Variants in SMKR1 observed in about 807,000 individuals in gnomAD.
The protein encoded by SMKR1 is small lysine-rich protein 1.
Under a neutral mutation model 4.0 loss-of-function variants are expected in SMKR1, and 4 were observed. That is an observed-to-expected ratio of 1.00 (90% CI 0.49 to 2.30). SMKR1 has a LOEUF of 2.30. Among genes scored for constraint, SMKR1 ranks in the 30% most tolerant of loss-of-function variants. The pLI is 0.02. For synonymous variants in SMKR1, 38 were observed against 32.5 expected (o/e 1.17, Z -0.58); for missense variants, 56 against 81.8 (o/e 0.68, Z 1.22).
At chr7:129,508,194 T>G (rs1379992931) in intron 1 of SMKR1, among the ~76,000 whole-genome samples, 2 of 152,214 alleles carry the variant, frequency 1.3e-5, no homozygotes, top group African/African-American at 4.8e-5. Context: ...GGTGAGACTA[T>G]GGGTTGAGGT....
intron 1 of SMKR1, among the ~76,000 whole-genome samples, chr7:129,509,280 T>A (rs1799501768): frequency 6.6e-6 from 1 of 152,040 alleles, no homozygotes; most frequent in Non-Finnish European, 1.5e-5. Flanking sequence ...GCCATTGCAC[T>A]CCAGCCTGGG....
At chr7:129,507,994 A>G (rs1369358863) in intron 1 of SMKR1, among the ~76,000 whole-genome samples, 1 of 152,204 alleles carries the variant, frequency 6.6e-6, no homozygotes, top group African/African-American at 2.4e-5. Context: ...TTGAAGAACA[A>G]AAGTTTTAAA....
chr7:129,502,910 A>G (rs1799425443), intron 1 of SMKR1, 83 bp downstream of exon 1: 3 of 1,522,746 alleles, frequency 2.0e-6, no homozygotes, highest in African/African-American at 2.8e-5. Flanking sequence ...GCGGGCGCCG[A>G]GGTCACCGCC....
intron 1 of SMKR1, among the ~76,000 whole-genome samples, chr7:129,511,748 C>T (rs1321972324): frequency 2.0e-5 from 3 of 152,130 alleles, no homozygotes; most frequent in Non-Finnish European, 2.9e-5. Flanking sequence ...TAATTGTTTT[C>T]GTTTGCCAAA....
At chr7:129,505,572 C>A (rs767247830) in intron 1 of SMKR1, among the ~76,000 whole-genome samples, 11 of 151,714 alleles carry the variant, frequency 7.3e-5, no homozygotes, top group Non-Finnish European at 1.2e-4. Flanking sequence ...TCCGCCTCCC[C>A]GGTTCAAGCA....
At chr7:129,509,684 G>A (rs532126983) in intron 1 of SMKR1, among the ~76,000 whole-genome samples, 5 of 152,160 alleles carry the variant, frequency 3.3e-5, no homozygotes, top group African/African-American at 4.8e-5. Flanking sequence ...GGGATTACAG[G>A]TGCACGCCAC....
intron 1 of SMKR1, among the ~76,000 whole-genome samples, chr7:129,511,222 C>T (rs1228800230): frequency 6.6e-6 from 1 of 152,198 alleles, no homozygotes; most frequent in Non-Finnish European, 1.5e-5. Context: ...GATTATCAAA[C>T]TTGTTTTAAA....
intron 1 of SMKR1, among the ~76,000 whole-genome samples, chr7:129,504,576 A>G (rs1799446098): frequency 6.7e-6 from 1 of 149,920 alleles, no homozygotes; most frequent in South Asian, 2.1e-4. Context: ...TTTTAGAGAT[A>G]GGGTTTTGCT....
At chr7:129,509,273 A>G (rs1799501666) in intron 1 of SMKR1, among the ~76,000 whole-genome samples, 1 of 152,188 alleles carries the variant, frequency 6.6e-6, no homozygotes, top group Non-Finnish European at 1.5e-5. Flanking sequence ...ATATCATGCC[A>G]TTGCACTCCA....
At chr7:129,504,819 G>A (rs1027302121) in intron 1 of SMKR1, among the ~76,000 whole-genome samples, 1 of 152,166 alleles carries the variant, frequency 6.6e-6, no homozygotes, top group Non-Finnish European at 1.5e-5. Flanking sequence ...CCAGAGTGCC[G>A]GGATTACAGG....
chr7:129,510,723 G>C (rs1344459483), intron 1 of SMKR1, among the ~76,000 whole-genome samples: 1 of 151,518 alleles, frequency 6.6e-6, no homozygotes, highest in Non-Finnish European at 1.5e-5. Flanking sequence ...GCAAGACCCT[G>C]TCTCCAAAAA....
chr7:129,503,829 CTTTTTTT>C (rs11404964), intron 1 of SMKR1, among the ~76,000 whole-genome samples: 3 of 126,270 alleles, frequency 2.4e-5, no homozygotes, highest in East Asian at 4.6e-4. Flanking sequence ...GAGCTATTAC[CTTTTTTT>C]TTTTTTTTTT....
In SMKR1 at chr7:129,502,685, C is replaced by G. The variant is rs1799422739; in HGVS notation, c.-140C>G. The G allele has an allele frequency of 2.3e-6, 3 of 1,303,744 alleles. No homozygotes were observed. The highest frequency in any genetic ancestry group is 5.2e-5 in the East Asian group (2 of 38,438). 80.8% of individuals were successfully genotyped at this position (1,303,744 alleles called of 1,614,324 possible). On this transcript the variant is annotated 5_prime_UTR_variant, in exon 1 of 2. Coordinates refer to ENST00000462322, the MANE Select transcript of SMKR1 (RefSeq NM_001195243.2). ...CGGGGAGGCGTAGTGAGGCTGGGCC[C>G]GTGGCGGTTCCCTGAGGAGGGCCGA...
rs1799422413 is a variant in SMKR1 at position 129,502,661 on chromosome 7, G to C, written c.-164G>C. The C allele has an allele frequency of 1.0e-6, 1 of 1,002,268 alleles. No individual in the cohort carries two copies. Among genetic ancestry groups the C allele is most frequent in the Non-Finnish European group, 1.4e-6 (1 of 716,512 alleles). The allele number at this position is 1,002,268 out of a possible 1,614,324, so 62.1% of individuals were successfully genotyped here. Reference sequence around the variant, plus strand: ...CGCGCTCCTCCCAGCGAGGCGTGGCGGGGAGGCGTAGTGAGGCTGGGCCCG... The same window carrying C: ...CGCGCTCCTCCCAGCGAGGCGTGGCCGGGAGGCGTAGTGAGGCTGGGCCCG... On this transcript the variant is annotated 5_prime_UTR_variant, in exon 1 of 2. Transcript: ENST00000462322.
chr7:129,503,048 G>A (rs1562927064), intron 1 of SMKR1, among the ~76,000 whole-genome samples: 1 of 151,702 alleles, frequency 6.6e-6, no homozygotes, highest in Non-Finnish European at 1.5e-5. Context: ...TTTAGGTCGT[G>A]GTCCTGTTGA....
chr7:129,506,069 A>G (rs1265759949), intron 1 of SMKR1, among the ~76,000 whole-genome samples: 2 of 152,192 alleles, frequency 1.3e-5, no homozygotes, highest in African/African-American at 2.4e-5. Flanking sequence ...CCAGAAACAA[A>G]ACCTTTATTA....
At chr7:129,506,465 C>A (rs1004581307) in intron 1 of SMKR1, among the ~76,000 whole-genome samples, 5 of 151,992 alleles carry the variant, frequency 3.3e-5, no homozygotes, top group African/African-American at 1.2e-4. Flanking sequence ...AAATAAAATG[C>A]ACACTTTGAT....
chr7:129,505,689 C>T (rs1216974632), intron 1 of SMKR1, among the ~76,000 whole-genome samples: 1 of 152,012 alleles, frequency 6.6e-6, no homozygotes. Context: ...ACCATGTTGT[C>T]CAGGCTGGTC....
Position 129,512,560 on chromosome 7 carries a change from G to A in SMKR1, c.*119G>A. 9.6e-7 allele frequency: 1 copy of A among 1,038,232 alleles called. No homozygotes were observed. The allele number at this position is 1,038,232 out of a possible 1,614,324, so 64.3% of individuals were successfully genotyped here. ...CCAGACGACTTGAGATGCAAATTAA[G>A]TGTGCTTTTCTGTGATGGTGGAAGA... is the stretch of plus-strand genomic sequence containing the variant. On this transcript the variant is annotated 3_prime_UTR_variant, in exon 2 of 2. Transcript: ENST00000462322.
Sources: gnomAD v4.1 joint callset for allele counts (sites outside exome capture counted in the v4.1 genomes callset) on GRCh38, gnomAD v4.1.1 for gene constraint, MANE v1.5 for transcripts, NCBI Gene and HGNC (gene_info 2026-07-23, HGNC 2026-07-21) for gene names.